The following BCL9L variants were observed in gnomAD, a reference collection of about 807,000 sequenced individuals.
The protein encoded by BCL9L is BCL9 like.
A neutral mutation model predicts 99.4 loss-of-function variants in BCL9L; 19 were observed. The observed-to-expected ratio is 0.19, with a 90% CI of 0.13 to 0.28. BCL9L has a LOEUF of 0.28. Among genes scored for constraint, BCL9L ranks in the 10% least tolerant of loss-of-function variants. BCL9L has a pLI of 1.00. For missense variants in BCL9L, 2,023 were observed against 2,101.6 expected, an observed-to-expected ratio of 0.96 and a Z score of 0.73; for synonymous variants, 900 against 854.8, an observed-to-expected ratio of 1.05 and a Z score of -0.92.
rs77467998 is a variant in BCL9L, at chr11:118,911,923, T to A, written c.-76-1908A>T. ...CTCAAAAATTGAGAACCTGTAAGAA[T>A]TTGGGAAGGGGCTATTAGAAAATCA... On this transcript the variant is annotated intron_variant, in intron 2 of 9. Coordinates refer to ENST00000683865, the MANE Select transcript of BCL9L (RefSeq NM_001378213.1). 6.6e-3 allele frequency among the ~76,000 whole-genome samples: 1,001 copies of A among 152,340 alleles called. 11 individuals are homozygous for A. The highest frequency in any genetic ancestry group is 0.023 in the African/African-American group (956 of 41,580).
intron 3 of BCL9L, among the ~76,000 whole-genome samples, chr11:118,909,386 A>G (rs1239976299): frequency 6.6e-6 from 1 of 152,136 alleles, no homozygotes; most frequent in Non-Finnish European, 1.5e-5. Context: ...CCGGAGACCT[A>G]TTAATAGCCG....
chr11:118,905,845 A>C (rs527455787), intron 5 of BCL9L, among the ~76,000 whole-genome samples: 1 of 152,010 alleles, frequency 6.6e-6, no homozygotes, highest in East Asian at 1.9e-4. Flanking sequence ...TAAATAAATA[A>C]AAGAATCTAA....
chr11:118,906,674 C>A (rs1370748131), intron 5 of BCL9L, among the ~76,000 whole-genome samples: 1 of 149,262 alleles, frequency 6.7e-6, no homozygotes, highest in East Asian at 1.9e-4. Context: ...TTCTTTACTT[C>A]TTTCCTTTCT....
chr11:118,905,217 T>C (rs1940456848), intron 5 of BCL9L, among the ~76,000 whole-genome samples: 1 of 152,054 alleles, frequency 6.6e-6, no homozygotes, highest in African/African-American at 2.4e-5. Flanking sequence ...TCTTCAAGAA[T>C]CTAAGGGCAG....
At chr11:118,905,856 G>A (rs1011971685) in intron 5 of BCL9L, among the ~76,000 whole-genome samples, 7 of 152,036 alleles carry the variant, frequency 4.6e-5, no homozygotes, top group African/African-American at 1.7e-4. Context: ...AAGAATCTAA[G>A]GGTAGTACGA....
rs777854015 is a variant in BCL9L at position 118,900,815 on chromosome 11, G to A, written c.2928C>T (p.Pro976=). ...CACTGAGGGAGGAGCCGAGGACCTG[G>A]GGCGACTTGAGAGGTCCTGGCGGGT... ...SANPPGPLKS[P]QVLGSSLSVR... Residue 976 remains proline (P), a synonymous_variant, in exon 8 of 10, where the codon CCC becomes CCT. Transcript: ENST00000683865. The surrounding 1 kb of genome is among the most constrained non-coding windows in gnomAD (Gnocchi z 5.3). The A allele has an allele frequency of 6.2e-6, 10 of 1,613,788 alleles. No homozygotes were observed. Among genetic ancestry groups the A allele is most frequent in the Non-Finnish European group, 8.5e-7 (1 of 1,179,942 alleles).
chr11:118,903,962 T>C lies in BCL9L; in HGVS notation c.533-510A>G, dbSNP rs1312419696. ...AGCTGATGATCCAAATGATGGATGG[T>C]TTTTCACTCTAGCCCCACCACTAAC... is the stretch of plus-strand genomic sequence containing the variant. On this transcript the variant is annotated intron_variant, in intron 5 of 9. Transcript: ENST00000683865. This position sits in a 1 kb window ranked among gnomAD's most constrained non-coding sequence, Gnocchi z 5.6. 2.0e-5 allele frequency among the ~76,000 whole-genome samples: 3 copies of C among 152,070 alleles called. No individual in the cohort carries two copies. Among genetic ancestry groups the C allele is most frequent in the African/African-American group, 7.3e-5 (3 of 41,368 alleles).
chr11:118,924,903 A>AG (rs1941241727), intron 1 of BCL9L, among the ~76,000 whole-genome samples: 1 of 152,166 alleles, frequency 6.6e-6, no homozygotes, highest in African/African-American at 2.4e-5. Flanking sequence ...TGAGCCTGGG[A>AG]GGGGGACTAC....
At chr11:118,904,595 A>T (rs77768793) in intron 5 of BCL9L, among the ~76,000 whole-genome samples, 2,251 of 152,324 alleles carry the variant, frequency 0.015, 50 homozygotes, top group African/African-American at 0.05. Context: ...GTAGAAAAAA[A>T]TCTACAACGG....
At chr11:118,907,733 C>T (rs1591989050) in intron 4 of BCL9L, 131 bp from the exon 5 acceptor site, 2 of 1,389,952 alleles carry the variant, frequency 1.4e-6, no homozygotes, top group East Asian at 5.0e-5. Flanking sequence ...ATGGTGGGCA[C>T]TTCGCCAGCC....
chr11:118,907,689 A>G, intron 4 of BCL9L, 87 bp from the exon 5 acceptor site: 2 of 1,561,584 alleles, frequency 1.3e-6, no homozygotes, highest in South Asian at 2.3e-5. Flanking sequence ...TCCATTCTCT[A>G]AGATGCCCCA....
rs766026718 is a variant in BCL9L at position 118,901,219 on chromosome 11, G to A, written c.2524C>T (p.Pro842Ser). 4.2e-5 allele frequency: 67 copies of A among 1,613,890 alleles called. 1 individual carries two copies. In the South Asian group the frequency reaches 5.5e-4, roughly 13 times the overall value. Residue 842 changes from proline to serine, a missense_variant, in exon 8 of 10, where the codon CCC becomes TCC. Pro to Ser is a moderately conservative substitution (Grantham distance 74). This residue lies in a region of BCL9L where 1,116 missense variants were observed against 1,194.6 expected (regional missense o/e 0.93). Coordinates refer to ENST00000683865, the MANE Select transcript of BCL9L (RefSeq NM_001378213.1). This position sits in a 1 kb window ranked among gnomAD's most constrained non-coding sequence, Gnocchi z 6.6. Reference protein sequence around the residue: ...PQKMLMPSQFPNQGQQGFSGG... With the variant: ...PQKMLMPSQFSNQGQQGFSGG... Reference sequence around the variant, plus strand: ...GAGAATCCCTGCTGGCCCTGGTTGGGAAACTGTGAAGGCATCAGCATCTTC... The same window carrying A: ...GAGAATCCCTGCTGGCCCTGGTTGGAAAACTGTGAAGGCATCAGCATCTTC...
In BCL9L at chr11:118,921,948, A is replaced by AC. The variant is rs1269203303; in HGVS notation, c.-130-3070dup. On this transcript the variant is annotated intron_variant, in intron 1 of 9. Coordinates refer to ENST00000683865, the MANE Select transcript of BCL9L (RefSeq NM_001378213.1). The surrounding 1 kb of genome is among the most constrained non-coding windows in gnomAD (Gnocchi z 5.4). Reference sequence around the variant, plus strand: ...TCAGGGGTCTTCCACAGGTTCCAGGACCCCCCACACTCAGAGCAGGCTGTG... The same window carrying AC: ...TCAGGGGTCTTCCACAGGTTCCAGGACCCCCCCACACTCAGAGCAGGCTGTG... 1.3e-5 allele frequency among the ~76,000 whole-genome samples: 2 copies of AC among 151,728 alleles called. No homozygotes were observed. Among genetic ancestry groups the AC allele is most frequent in the African/African-American group, 4.8e-5 (2 of 41,272 alleles).
In BCL9L at chr11:118,898,113, G is replaced by A. The variant is rs548485992; in HGVS notation, c.*302C>T. On this transcript the variant is annotated 3_prime_UTR_variant, in exon 10 of 10. Transcript: ENST00000683865. ...CATAGCTGAAGGGGGTGTGGCGGGT[G>A]CAGGGATGCACGGAAAGAGGTAAAA... is the stretch of plus-strand genomic sequence containing the variant. The A allele has an allele frequency of 4.3e-4, 225 of 526,284 alleles. 2 individuals are homozygous for A. In the East Asian group the frequency reaches 7.6e-3, roughly 18 times the overall value. The allele number at this position is 526,284 out of a possible 1,614,324, so 32.6% of individuals were successfully genotyped here.
At chr11:118,919,333 C>T (rs1941078682) in intron 1 of BCL9L, among the ~76,000 whole-genome samples, 1 of 151,632 alleles carries the variant, frequency 6.6e-6, no homozygotes. Flanking sequence ...TCCAGGTTAT[C>T]CTATGTCAGG....
chr11:118,905,352 T>C (rs1344119691), intron 5 of BCL9L, among the ~76,000 whole-genome samples: 2 of 151,848 alleles, frequency 1.3e-5, no homozygotes, highest in South Asian at 2.1e-4. Flanking sequence ...CTACTAAAAA[T>C]ACAAAAATTA....
In BCL9L at chr11:118,900,231, T is replaced by G. The variant is rs1591976761; in HGVS notation, c.3125-33A>C. 6.5e-7 allele frequency: 1 copy of G among 1,545,212 alleles called. No individual in the cohort carries two copies. The highest frequency in any genetic ancestry group is 1.9e-5 in the Admixed American group (1 of 53,586). On this transcript the variant is annotated intron_variant, in intron 8 of 9. Transcript: ENST00000683865. The surrounding 1 kb of genome is among the most constrained non-coding windows in gnomAD (Gnocchi z 5.3). Reference sequence around the variant, plus strand: ...AACGGGGAGACAAAGAGAGCAGGGGTGACTGGGGAGGGGCAGATGAGTTTG... The same window carrying G: ...AACGGGGAGACAAAGAGAGCAGGGGGGACTGGGGAGGGGCAGATGAGTTTG...
In BCL9L at chr11:118,899,194, G is replaced by A. The variant is rs759315320; in HGVS notation, c.3721C>T (p.Pro1241Ser). The A allele has an allele frequency of 2.0e-6, 3 of 1,493,436 alleles. No individual in the cohort carries two copies. Among genetic ancestry groups the A allele is most frequent in the East Asian group, 2.4e-5 (1 of 41,964 alleles). 92.5% of individuals were successfully genotyped at this position (1,493,436 alleles called of 1,614,324 possible). The part of the protein sequence containing the change: ...RLQQPHGAMA[P>S]TGGGGGGPGL... ...GGCCCCCCGCCCCCACCCCCAGTGG[G>A]GGCCATGGCACCATGGGGCTGCTGC... The change falls in exon 10 of 10, where the codon CCC (proline) becomes TCC (serine). Residue 1241 changes from proline (P) to serine (S), a missense_variant. By Grantham distance (74) the Pro-to-Ser change is moderately conservative (BLOSUM62 -1). Transcript: ENST00000683865.
At chr11:118,917,462 A>G (rs942422431) in intron 2 of BCL9L, among the ~76,000 whole-genome samples, 1 of 152,200 alleles carries the variant, frequency 6.6e-6, no homozygotes, top group African/African-American at 2.4e-5. Flanking sequence ...GAGAAGTTAA[A>G]TAACTCGCCT....
Sources: allele counts gnomAD v4.1 joint callset (sites outside exome capture counted in the v4.1 genomes callset), GRCh38; gene constraint gnomAD v4.1.1; regional missense constraint gnomAD v4.1.1; non-coding constraint Gnocchi (gnomAD v3.1); transcripts MANE v1.5; gene names NCBI Gene and HGNC (gene_info 2026-07-23, HGNC 2026-07-21).